The following PPP1R42 variants were observed in gnomAD, a reference collection of about 807,000 sequenced individuals.
PPP1R42 encodes the protein leucine rich repeat containing 67.
In PPP1R42, 34 loss-of-function variants were observed where a neutral mutation model predicts 31.0. The ratio of observed to expected loss-of-function variants is 1.10; its 90% CI spans 0.83 to 1.46. The LOEUF (loss-of-function observed/expected upper bound fraction) is 1.46. PPP1R42 is among the 40% of genes most tolerant of loss of function. PPP1R42 has a pLI of 0.00. For missense variants in PPP1R42, 268 were observed against 303.0 expected (o/e 0.88, Z 0.86); for synonymous variants, 103 against 109.8 (o/e 0.94, Z 0.39).
At chr8:66,992,549 G>A (rs1815220952) in intron 5 of PPP1R42, among the ~76,000 whole-genome samples, 1 of 152,196 alleles carries the variant, frequency 6.6e-6, no homozygotes, top group African/African-American at 2.4e-5. Flanking sequence ...TCTCACTGGG[G>A]AGCAGGAGCA....
intron 5 of PPP1R42, among the ~76,000 whole-genome samples, chr8:67,003,436 A>T (rs1815571980): frequency 1.0e-5 from 1 of 96,630 alleles, no homozygotes; most frequent in Non-Finnish European, 2.0e-5. Flanking sequence ...TAAAAGCAAG[A>T]TTTTTGTGGT....
intron 7 of PPP1R42, among the ~76,000 whole-genome samples, chr8:66,967,067 C>T (rs914911001): frequency 7.2e-5 from 11 of 152,178 alleles, no homozygotes; most frequent in African/African-American, 2.2e-4. Flanking sequence ...GCCTTAACCT[C>T]CTGGGCTCAA....
intron 6 of PPP1R42, among the ~76,000 whole-genome samples, chr8:66,983,842 T>C (rs1395822373): frequency 6.6e-6 from 1 of 152,130 alleles, no homozygotes; most frequent in Non-Finnish European, 1.5e-5. Context: ...AACTAGCTAG[T>C]ACTCTCCAAA....
intron 6 of PPP1R42, chr8:66,984,958 T>A: frequency 6.4e-7 from 1 of 1,553,180 alleles, no homozygotes; most frequent in Non-Finnish European, 8.9e-7. Context: ...AGCATTGAGC[T>A]GGGCTGGATG....
At chr8:67,019,029 T>G in intron 1 of PPP1R42, among the ~76,000 whole-genome samples, 1 of 145,748 alleles carries the variant, frequency 6.9e-6, no homozygotes. Context: ...GGAGACGGGG[T>G]TTCACTGTGT....
At chr8:67,015,102 T>C (rs963527011) in intron 2 of PPP1R42, among the ~76,000 whole-genome samples, 3 of 152,112 alleles carry the variant, frequency 2.0e-5, no homozygotes, top group Admixed American at 6.6e-5. Flanking sequence ...CACCATAACC[T>C]CCGCCTCCTG....
intron 5 of PPP1R42, among the ~76,000 whole-genome samples, chr8:67,009,435 G>A (rs1002034751): frequency 1.3e-5 from 2 of 151,754 alleles, no homozygotes; most frequent in Admixed American, 1.3e-4. Flanking sequence ...GGGTGTGGTG[G>A]CAGGCACCTG....
At chr8:66,979,883 G>A (rs943769762) in intron 7 of PPP1R42, among the ~76,000 whole-genome samples, 1 of 152,074 alleles carries the variant, frequency 6.6e-6, no homozygotes, top group Non-Finnish European at 1.5e-5. Flanking sequence ...ATTAATTAAT[G>A]TAGTTGTCCC....
intron 4 of PPP1R42, among the ~76,000 whole-genome samples, chr8:67,011,078 T>C (rs1331474326): frequency 6.6e-6 from 1 of 152,044 alleles, no homozygotes; most frequent in Non-Finnish European, 1.5e-5. Context: ...ATATTTTTCT[T>C]TTCCAAGATA....
At position 66,998,681 on chromosome 8, in the gene PPP1R42, A is replaced by G. The variant is rs548560526; in HGVS notation, c.553-10164T>C. Among the ~76,000 whole-genome samples, 12 of 152,272 alleles carry G rather than the reference A, an allele frequency of 7.9e-5. No homozygotes were observed. In the East Asian group the frequency reaches 1.7e-3, roughly 22 times the overall value. On this transcript the variant is annotated intron_variant, in intron 5 of 7. Transcript: ENST00000685739. ...CATCATTAAGTATGTTGTTATGTAG[A>G]TTTTATATAGATGCCTACTATCAGG...
At chr8:67,011,739 G>A (rs1815848777) in intron 4 of PPP1R42, among the ~76,000 whole-genome samples, 1 of 152,014 alleles carries the variant, frequency 6.6e-6, no homozygotes, top group African/African-American at 2.4e-5. Flanking sequence ...CATCTTATGA[G>A]GCTCAGGAAT....
At chr8:67,007,656 G>C (rs922543429) in intron 5 of PPP1R42, among the ~76,000 whole-genome samples, 2 of 152,180 alleles carry the variant, frequency 1.3e-5, no homozygotes, top group Non-Finnish European at 2.9e-5. Flanking sequence ...TGAGTACAAT[G>C]GAAGCTATTC....
intron 7 of PPP1R42, among the ~76,000 whole-genome samples, chr8:66,970,256 A>G (rs555522929): frequency 6.6e-6 from 1 of 151,970 alleles, no homozygotes; most frequent in South Asian, 2.1e-4. Context: ...TCAGCCTCCA[A>G]AGTAGCTGGG....
chr8:67,008,890 T>C (rs933528807), intron 5 of PPP1R42, among the ~76,000 whole-genome samples: 1 of 152,224 alleles, frequency 6.6e-6, no homozygotes, highest in South Asian at 2.1e-4. Context: ...TGGGATTATT[T>C]AGAGGCTAGA....
chr8:66,978,925 A>T (rs1420280364), intron 7 of PPP1R42, among the ~76,000 whole-genome samples: 1 of 151,924 alleles, frequency 6.6e-6, no homozygotes, highest in Non-Finnish European at 1.5e-5. Flanking sequence ...TTTGCTTTTG[A>T]GATGTTTCAG....
At chr8:67,002,262 C>T (rs1042281560) in intron 5 of PPP1R42, among the ~76,000 whole-genome samples, 6 of 152,170 alleles carry the variant, frequency 3.9e-5, no homozygotes, top group Admixed American at 6.5e-5. Flanking sequence ...TGCAATGGCA[C>T]GATCTCGGCT....
At chr8:66,967,981 A>G (rs1814433293) in intron 7 of PPP1R42, among the ~76,000 whole-genome samples, 1 of 152,142 alleles carries the variant, frequency 6.6e-6, no homozygotes, top group Non-Finnish European at 1.5e-5. Flanking sequence ...GGCACCTCCT[A>G]GCATGTTTGC....
chr8:67,004,147 C>T (rs1298053935), intron 5 of PPP1R42, among the ~76,000 whole-genome samples: 2 of 152,054 alleles, frequency 1.3e-5, no homozygotes, highest in African/African-American at 2.4e-5. Context: ...AGGGCAGAGC[C>T]TTCATGAATG....
At chr8:66,987,711 C>G (rs1815065582) in intron 6 of PPP1R42, among the ~76,000 whole-genome samples, 1 of 152,114 alleles carries the variant, frequency 6.6e-6, no homozygotes, top group South Asian at 2.1e-4. Context: ...TCTCTCAATA[C>G]AAAATTTGCT....
Sources: gnomAD v4.1 joint callset for allele counts (sites outside exome capture counted in the v4.1 genomes callset) on GRCh38, gnomAD v4.1.1 for gene constraint, MANE v1.5 for transcripts, NCBI Gene and HGNC (gene_info 2026-07-23, HGNC 2026-07-21) for gene names.